The following NUP155 variants were observed in gnomAD, a reference collection of about 807,000 sequenced individuals.
NUP155 encodes the protein nucleoporin 155.
NUP155 carries 71 observed loss-of-function variants against 180.4 expected under a neutral mutation model. The observed-to-expected ratio is 0.39, with a 90% CI of 0.33 to 0.48. NUP155 has a LOEUF of 0.48. Among genes scored for constraint, NUP155 ranks in the 20% least tolerant of loss-of-function variants. NUP155 has a pLI of 0.91. For synonymous variants in NUP155, 582 were observed against 559.5 expected (o/e 1.04, Z -0.57); for missense variants, 1,553 against 1,648.9 (o/e 0.94, Z 1.01).
chr5:37,295,712 T>G (rs1337212629), intron 32 of NUP155, among the ~76,000 whole-genome samples: 1 of 141,450 alleles, frequency 7.1e-6, no homozygotes, highest in Non-Finnish European at 1.5e-5. Flanking sequence ...CCGTCCGGGA[T>G]GTGAGGAGCG....
intron 4 of NUP155, among the ~76,000 whole-genome samples, chr5:37,355,635 G>A (rs1746776474): frequency 2.6e-5 from 4 of 151,704 alleles, no homozygotes; most frequent in Admixed American, 2.6e-4. Flanking sequence ...CTGGAGTGCA[G>A]TGGCGTGATC....
intron 17 of NUP155, among the ~76,000 whole-genome samples, chr5:37,328,026 G>C (rs750500304): frequency 6.6e-6 from 1 of 152,158 alleles, no homozygotes; most frequent in Non-Finnish European, 1.5e-5. Context: ...AGATAGACTT[G>C]CAAGTGTTCA....
intron 32 of NUP155, among the ~76,000 whole-genome samples, chr5:37,296,114 C>T (rs1432915669): frequency 2.7e-4 from 40 of 148,212 alleles, no homozygotes; most frequent in African/African-American, 6.3e-4. Flanking sequence ...CACCTCTGCC[C>T]GGCCGCCCCT....
chr5:37,342,249 G>A, intron 10 of NUP155: 1 of 276,086 alleles, frequency 3.6e-6, no homozygotes, highest in Non-Finnish European at 7.0e-6. Context: ...GTTTCACCAT[G>A]TTGCTCAGGT....
chr5:37,309,009 T>C, intron 24 of NUP155, 120 bp downstream of exon 24: 1 of 1,004,794 alleles, frequency 1.0e-6, no homozygotes, highest in South Asian at 1.4e-5. Flanking sequence ...ACTCGGCCTC[T>C]GATGCTGAAA....
chr5:37,368,158 C>T (rs1747724579), intron 1 of NUP155, among the ~76,000 whole-genome samples: 1 of 150,998 alleles, frequency 6.6e-6, no homozygotes, highest in South Asian at 2.1e-4. Context: ...ATCCACCCCA[C>T]TTCCAGGTCC....
At chr5:37,311,962 A>C (rs1397620950) in intron 22 of NUP155, among the ~76,000 whole-genome samples, 1 of 152,226 alleles carries the variant, frequency 6.6e-6, no homozygotes, top group Non-Finnish European at 1.5e-5. Context: ...TGGAGGTTAC[A>C]GTGATCTCAG....
At chr5:37,328,173 A>G (rs1254314692) in intron 17 of NUP155, among the ~76,000 whole-genome samples, 185 bp downstream of exon 17, 1 of 152,218 alleles carries the variant, frequency 6.6e-6, no homozygotes, top group Admixed American at 6.5e-5. Context: ...TTATTATAAG[A>G]GGAGTTCCTC....
intron 11 of NUP155, among the ~76,000 whole-genome samples, chr5:37,340,845 A>C (rs1350320638): frequency 6.6e-6 from 1 of 152,180 alleles, no homozygotes; most frequent in Non-Finnish European, 1.5e-5. Context: ...GTATATGTGC[A>C]AATCTGTTAC....
At chr5:37,361,931 G>C (rs767199489) in intron 3 of NUP155, among the ~76,000 whole-genome samples, 2 of 152,070 alleles carry the variant, frequency 1.3e-5, no homozygotes, top group South Asian at 4.1e-4. Flanking sequence ...AATGGGATTA[G>C]TGCCCTTATA....
intron 22 of NUP155, among the ~76,000 whole-genome samples, chr5:37,311,534 C>T (rs1743525001): frequency 6.6e-6 from 1 of 151,978 alleles, no homozygotes; most frequent in African/African-American, 2.4e-5. Context: ...CCAACAAAAG[C>T]CACACTATTC....
intron 20 of NUP155, among the ~76,000 whole-genome samples, chr5:37,323,217 G>A (rs1175677452): frequency 4.6e-5 from 7 of 152,274 alleles, no homozygotes; most frequent in East Asian, 3.9e-4. Flanking sequence ...CCTGGGAGGC[G>A]GAGGTTGCTG....
chr5:37,329,146 T>C lies in NUP155; in HGVS notation c.1813+44A>G, dbSNP rs768646044. The C allele has an allele frequency of 3.5e-6, 5 of 1,443,916 alleles. No individual in the cohort carries two copies. The Admixed American group carries it at 6.7e-5, about 19-fold the overall frequency. The allele number at this position is 1,443,916 out of a possible 1,614,324, so 89.4% of individuals were successfully genotyped here. A position where few individuals can be genotyped will look rare whatever the true frequency, so the allele number is the denominator to read the frequency against. ...AAAAATTGCTATAAAGGTTCTAAGATTCAAACGATTAGAAACAATTTCATT... is the reference window on the plus strand; with the variant it reads ...AAAAATTGCTATAAAGGTTCTAAGACTCAAACGATTAGAAACAATTTCATT... On this transcript the variant is annotated intron_variant, in intron 16 of 34. Coordinates refer to ENST00000231498, the MANE Select transcript of NUP155 (RefSeq NM_153485.3).
intron 28 of NUP155, 119 bp downstream of exon 28, chr5:37,303,141 T>A: frequency 8.5e-7 from 1 of 1,178,216 alleles, no homozygotes; most frequent in Admixed American, 2.4e-5. Context: ...AACATCCTAT[T>A]TAAAAAATTT....
At chr5:37,360,299 T>C (rs143225846) in intron 3 of NUP155, among the ~76,000 whole-genome samples, 7,319 of 150,838 alleles carry the variant, frequency 0.049, 194 homozygotes, top group South Asian at 0.077. Flanking sequence ...CTGGCCAACA[T>C]GGTGAAACCC....
intron 4 of NUP155, among the ~76,000 whole-genome samples, chr5:37,353,264 A>G (rs1158229346): frequency 6.7e-6 from 1 of 149,072 alleles, no homozygotes; most frequent in African/African-American, 2.5e-5. Flanking sequence ...ATATATATAT[A>G]CACACACACA....
At chr5:37,338,190 C>T (rs191381612) in intron 11 of NUP155, among the ~76,000 whole-genome samples, 8 of 151,066 alleles carry the variant, frequency 5.3e-5, no homozygotes, top group African/African-American at 1.7e-4. Context: ...TGGCGGCAGG[C>T]ACCTGTAATC....
chr5:37,364,729 C>G (rs902320954), intron 1 of NUP155, among the ~76,000 whole-genome samples: 1 of 151,454 alleles, frequency 6.6e-6, no homozygotes, highest in Admixed American at 6.6e-5. Flanking sequence ...CTCCACCTCC[C>G]GGGTTCACGC....
Position 37,298,965 on chromosome 5 carries a change from A to ACTG in NUP155, c.3693_3695dup (p.Ser1232dup). The ACTG allele has an allele frequency of 6.2e-7, 1 of 1,602,106 alleles. No individual in the cohort carries two copies. Among genetic ancestry groups the ACTG allele is most frequent in the Non-Finnish European group, 8.6e-7 (1 of 1,169,194 alleles). ...TTCTATCCGAGGAGCTCAATGTCAC[A>ACTG]CTGTCACTCAATTCTGTAACAAAAA... On this transcript the variant is annotated inframe_insertion, in exon 32 of 35. Transcript: ENST00000231498.
Sources: gnomAD v4.1 joint callset for allele counts (sites outside exome capture counted in the v4.1 genomes callset) on GRCh38, gnomAD v4.1.1 for gene constraint, MANE v1.5 for transcripts, NCBI Gene and HGNC (gene_info 2026-07-23, HGNC 2026-07-21) for gene names.